The following LFNG variants were observed in gnomAD, a reference collection of about 807,000 sequenced individuals.
The protein encoded by LFNG is beta-1,3-N-acetylglucosaminyltransferase lunatic fringe.
Under a neutral mutation model 32.7 loss-of-function variants are expected in LFNG, and 15 were observed. The ratio of observed to expected loss-of-function variants is 0.46; its 90% CI spans 0.31 to 0.71. LFNG has a LOEUF of 0.71. Ranked by LOEUF, LFNG falls within the 30% of genes least tolerant of loss-of-function variation. The pLI, the probability that LFNG is intolerant of heterozygous loss-of-function variation, is 0.06. For synonymous variants in LFNG, 274 were observed against 246.8 expected, an observed-to-expected ratio of 1.11 and a Z score of -1.03; for missense variants, 520 against 545.7, an observed-to-expected ratio of 0.95 and a Z score of 0.47.
chr7:2,518,272 T>A (rs577912370), upstream of LFNG, among the ~76,000 whole-genome samples: 2 of 152,080 alleles, frequency 1.3e-5, no homozygotes, highest in African/African-American at 4.8e-5. Context: ...GGTGACGCCA[T>A]GGGAGACTTG....
At chr7:2,524,531 G>A (rs1779889142) in intron 1 of LFNG, 164 bp from the exon 2 acceptor site, 2 of 706,376 alleles carry the variant, frequency 2.8e-6, no homozygotes, top group Admixed American at 2.1e-5. Context: ...GGGCACTTGA[G>A]CCCTTCTCAG....
At position 2,526,506 on chromosome 7, in the gene LFNG, C is replaced by T; in HGVS notation, c.987+97C>T. 7.5e-7 allele frequency: 1 copy of T among 1,341,254 alleles called. No homozygotes were observed. Among genetic ancestry groups the T allele is most frequent in the Non-Finnish European group, 1.0e-6 (1 of 958,378 alleles). 83.1% of individuals were successfully genotyped at this position (1,341,254 alleles called of 1,614,324 possible). On this transcript the variant is annotated intron_variant, in intron 6 of 7. Coordinates refer to ENST00000222725, the MANE Select transcript of LFNG (RefSeq NM_001040167.2). The surrounding 1 kb of genome is among the most constrained non-coding windows in gnomAD (Gnocchi z 6.9). Reference sequence around the variant, plus strand: ...CAGTGGGGTGGGGCACTGTTCTAAACAGGGAGGCCAGGCAGCACTCCACTG... The same window carrying T: ...CAGTGGGGTGGGGCACTGTTCTAAATAGGGAGGCCAGGCAGCACTCCACTG...
chr7:2,515,940 G>A (rs781285117), upstream of LFNG, among the ~76,000 whole-genome samples: 4 of 152,244 alleles, frequency 2.6e-5, no homozygotes, highest in Non-Finnish European at 4.4e-5. Context: ...GCTGTGCTGA[G>A]CCCAGCCAAC....
At position 2,520,151 on chromosome 7, in the gene LFNG, GC is replaced by G; in HGVS notation, c.294del (p.Ala99ProfsTer46). The G allele has an allele frequency of 6.9e-7, 1 of 1,447,348 alleles. No individual in the cohort carries two copies. 89.7% of individuals were successfully genotyped at this position (1,447,348 alleles called of 1,614,324 possible). ...DAGPPPGAAP[R>X]PADGHPRPLA... is the part of the protein sequence containing the mutation. ...GGCCCGCCGCCCGGGGCTGCCCCCC[GC>G]CCCGCCGACGGCCACCCGCGCCCCC... On this transcript the variant is annotated frameshift_variant, in exon 1 of 8. Coordinates refer to ENST00000222725, the MANE Select transcript of LFNG (RefSeq NM_001040167.2). LOFTEE classifies it high-confidence loss of function. The surrounding 1 kb of genome is among the most constrained non-coding windows in gnomAD (Gnocchi z 5.0).
upstream of LFNG, among the ~76,000 whole-genome samples, chr7:2,517,106 G>T (rs1225139368): frequency 6.6e-6 from 1 of 152,180 alleles, no homozygotes; most frequent in Non-Finnish European, 1.5e-5. Flanking sequence ...GTGTGGCCCA[G>T]TGGGCCCCTA....
chr7:2,528,202 G>A lies in LFNG; in HGVS notation c.*990G>A. On this transcript the variant is annotated 3_prime_UTR_variant, in exon 8 of 8. Transcript: ENST00000222725. Reference sequence around the variant, plus strand: ...TGTCTGGCACTCTGTGTATTTATGCGTTCCAGCATCTGGAACCTCCCATCC... The same window carrying A: ...TGTCTGGCACTCTGTGTATTTATGCATTCCAGCATCTGGAACCTCCCATCC... 6.1e-6 allele frequency: 6 copies of A among 985,764 alleles called. No homozygotes were observed. Among genetic ancestry groups the A allele is most frequent in the Non-Finnish European group, 7.2e-6 (6 of 829,940 alleles). The allele number at this position is 985,764 out of a possible 1,614,324, so 61.1% of individuals were successfully genotyped here.
At chr7:2,513,247 A>G (rs1416706686), upstream of LFNG, 14 of 1,584,210 alleles carry the variant, frequency 8.8e-6, no homozygotes, top group Admixed American at 3.4e-5. Flanking sequence ...ACAGATGGAC[A>G]GATGGATGGA....
chr7:2,522,181 C>T (rs1382601178), intron 1 of LFNG, among the ~76,000 whole-genome samples: 2 of 152,174 alleles, frequency 1.3e-5, no homozygotes, highest in Non-Finnish European at 2.9e-5. Context: ...CAGTGGGCAT[C>T]TGACCCACAT....
downstream of LFNG, chr7:2,529,044 CAG>C (rs1304556839): frequency 2.3e-6 from 1 of 429,458 alleles, no homozygotes; most frequent in African/African-American, 2.1e-5. The surrounding 1 kb of genome is among the most constrained non-coding windows in gnomAD (Gnocchi z 4.2). Flanking sequence ...CGACCCCGCT[CAG>C]GGGTGGTGGG....
At position 2,525,759 on chromosome 7, in the gene LFNG, C is replaced by T. The variant is rs764879786; in HGVS notation, c.810C>T (p.Ser270=). 2 of 1,611,868 alleles carry T rather than the reference C, an allele frequency of 1.2e-6. No individual in the cohort carries two copies. The highest frequency in any genetic ancestry group is 1.7e-6 in the Non-Finnish European group (2 of 1,179,902). ...GCCGTGGGCTGGCTCTGAAGATGAG[C>T]CCGTGGGCCAGGTGAGTGCCCTGCA... is the stretch of plus-strand genomic sequence containing the variant. ...CISRGLALKM[S]PWASGGHFMN... is the part of the protein sequence containing the mutation. Residue 270 remains serine, a synonymous_variant, in exon 5 of 8, where the codon AGC becomes AGT. Coordinates refer to ENST00000222725, the MANE Select transcript of LFNG (RefSeq NM_001040167.2).
At chr7:2,518,484 G>A (rs936287775), upstream of LFNG, 11 of 865,752 alleles carry the variant, frequency 1.3e-5, no homozygotes, top group African/African-American at 1.6e-4. Flanking sequence ...GTCTGACAGT[G>A]GGGCCAGACA....
In LFNG at chr7:2,526,715, C is replaced by A; in HGVS notation, c.988-121C>A. 1.1e-6 allele frequency: 1 copy of A among 923,262 alleles called. No homozygotes were observed. The allele number at this position is 923,262 out of a possible 1,614,324, so 57.2% of individuals were successfully genotyped here. ...TCCTGGGGTGTGCAGGGCAGGTGTCCTTCCAGGTCCAAGGGAGGCCAGGGC... is the reference window on the plus strand; with the variant it reads ...TCCTGGGGTGTGCAGGGCAGGTGTCATTCCAGGTCCAAGGGAGGCCAGGGC... On this transcript the variant is annotated intron_variant, in intron 6 of 7. Coordinates refer to ENST00000222725, the MANE Select transcript of LFNG (RefSeq NM_001040167.2). This position sits in a 1 kb window ranked among gnomAD's most constrained non-coding sequence, Gnocchi z 6.9.
chr7:2,526,138 GCTCCTCT>G lies in LFNG; in HGVS notation c.822-104_822-98del. 4.0e-6 allele frequency: 5 copies of G among 1,236,266 alleles called. No individual in the cohort carries two copies. Among genetic ancestry groups the G allele is most frequent in the Non-Finnish European group, 3.5e-6 (3 of 867,488 alleles). The allele number at this position is 1,236,266 out of a possible 1,614,324, so 76.6% of individuals were successfully genotyped here. A position where few individuals can be genotyped will look rare whatever the true frequency, so the allele number is the denominator to read the frequency against. On this transcript the variant is annotated intron_variant, in intron 5 of 7. Transcript: ENST00000222725. The surrounding 1 kb of genome is among the most constrained non-coding windows in gnomAD (Gnocchi z 6.9). ...GCTGCAGCCCAGAGCTCTCCTCAGG[GCTCCTCT>G]CCCTGAGGAGTGCAGCGCCTTTGCC...
chr7:2,520,361 G>A lies in LFNG; in HGVS notation c.432+68G>A, dbSNP rs556390834. ...GACCCACCATCTGGTCCAGCTGGTGGCAGTGTCCCATGGGAGTCAGGCTGC... is the reference window on the plus strand; with the variant it reads ...GACCCACCATCTGGTCCAGCTGGTGACAGTGTCCCATGGGAGTCAGGCTGC... On this transcript the variant is annotated intron_variant, in intron 1 of 7. Coordinates refer to ENST00000222725, the MANE Select transcript of LFNG (RefSeq NM_001040167.2). The surrounding 1 kb of genome is among the most constrained non-coding windows in gnomAD (Gnocchi z 5.0). The A allele has an allele frequency of 7.6e-4, 1,076 of 1,425,088 alleles. 14 individuals carry two copies. The Admixed American group carries it at 0.015, about 20-fold the overall frequency. The allele number at this position is 1,425,088 out of a possible 1,614,324, so 88.3% of individuals were successfully genotyped here.
chr7:2,526,865 C>G lies in LFNG; in HGVS notation c.1017C>G (p.Asn339Lys), dbSNP rs1779994142. 1 of 1,612,434 alleles carries G rather than the reference C, an allele frequency of 6.2e-7. No homozygotes were observed. The highest frequency in any genetic ancestry group is 8.5e-7 in the Non-Finnish European group (1 of 1,179,914). The change falls in exon 7 of 8, where the codon AAC (asparagine) becomes AAG (lysine). Residue 339 changes from asparagine (N) to lysine (K), a missense_variant. Physicochemically the swap from Asn to Lys is moderately conservative, Grantham distance 94. Coordinates refer to ENST00000222725, the MANE Select transcript of LFNG (RefSeq NM_001040167.2). This position sits in a 1 kb window ranked among gnomAD's most constrained non-coding sequence, Gnocchi z 6.9. ...CGCTGAGCTACGGTATGTTTGAAAA[C>G]AAGCGGAACGCCGTCCACGTGAAGG... ...QVTLSYGMFE[N>K]KRNAVHVKGP...
At chr7:2,513,069 G>A (rs1779529579), upstream of LFNG, 3 of 1,306,740 alleles carry the variant, frequency 2.3e-6, no homozygotes, top group East Asian at 7.0e-5. Flanking sequence ...GCCCACAGTG[G>A]GTTCTCCCTC....
upstream of LFNG, chr7:2,513,236 G>GA: frequency 6.3e-7 from 1 of 1,593,610 alleles, no homozygotes; most frequent in Non-Finnish European, 8.5e-7. Flanking sequence ...AGGATGGACG[G>GA]ACAGATGGAC....
In LFNG at chr7:2,519,790, G is replaced by A. The variant is rs1387130607; in HGVS notation, c.-72G>A. The A allele has an allele frequency of 2.2e-6, 2 of 912,880 alleles. No individual in the cohort carries two copies. Among genetic ancestry groups the A allele is most frequent in the African/African-American group, 1.8e-5 (1 of 55,520 alleles). The allele number at this position is 912,880 out of a possible 1,614,324, so 56.5% of individuals were successfully genotyped here. A position where few individuals can be genotyped will look rare whatever the true frequency, so the allele number is the denominator to read the frequency against. On this transcript the variant is annotated 5_prime_UTR_variant, in exon 1 of 8. Transcript: ENST00000222725. ...TGCTGCGCTGCTGGACTGCGCCGCCGGAGCGACGGGCTTCGGGTCGGTGCA... is the reference window on the plus strand; with the variant it reads ...TGCTGCGCTGCTGGACTGCGCCGCCAGAGCGACGGGCTTCGGGTCGGTGCA...
upstream of LFNG, chr7:2,518,642 C>T (rs1269451824): frequency 9.3e-6 from 15 of 1,604,702 alleles, no homozygotes; most frequent in South Asian, 6.6e-5. Context: ...TTTAAAATGC[C>T]ATCTCAGGCG....
Sources: gnomAD v4.1 joint callset for allele counts (sites outside exome capture counted in the v4.1 genomes callset) on GRCh38, gnomAD v4.1.1 for gene constraint, Gnocchi (gnomAD v3.1) non-coding constraint, MANE v1.5 for transcripts, NCBI Gene and HGNC (gene_info 2026-07-23, HGNC 2026-07-21) for gene names.